The following ADAMTSL1 variants were observed in gnomAD, a reference collection of about 807,000 sequenced individuals.
ADAMTSL1 encodes ADAMTS-like protein 1.
ADAMTSL1 carries 126 observed loss-of-function variants against 201.8 expected under a neutral mutation model. That is an observed-to-expected ratio of 0.62 (90% confidence interval 0.54 to 0.72). The LOEUF (loss-of-function observed/expected upper bound fraction) is 0.72, where lower values mean the gene tolerates loss of function less well. Ranked by LOEUF, ADAMTSL1 falls within the 30% of genes least tolerant of loss-of-function variation. The pLI is 0.00. For missense variants in ADAMTSL1, 2,679 were observed against 2,277.8 expected (o/e 1.18, Z -3.59); for synonymous variants, 1,121 against 903.4 (o/e 1.24, Z -4.32).
At chr9:18,586,200 A>G (rs1823479902) in intron 4 of ADAMTSL1, among the ~76,000 whole-genome samples, 1 of 152,188 alleles carries the variant, frequency 6.6e-6, no homozygotes, top group Non-Finnish European at 1.5e-5. Flanking sequence ...ACATGGGCTC[A>G]ACCCAAAAGC....
At chr9:18,248,871 G>A (rs1008577596) in intron 2 of ADAMTSL1, among the ~76,000 whole-genome samples, 8 of 152,100 alleles carry the variant, frequency 5.3e-5, no homozygotes, top group African/African-American at 1.9e-4. Context: ...TTCTTACATA[G>A]TTGAATAAAT....
At chr9:18,366,647 T>A (rs1223135482) in intron 2 of ADAMTSL1, among the ~76,000 whole-genome samples, 2 of 125,870 alleles carry the variant, frequency 1.6e-5, no homozygotes, top group Non-Finnish European at 3.2e-5. Flanking sequence ...TTTTTTTTTT[T>A]TTTTTTTTTT....
At chr9:18,584,072 A>G (rs371303027) in intron 4 of ADAMTSL1, among the ~76,000 whole-genome samples, 1 of 152,168 alleles carries the variant, frequency 6.6e-6, no homozygotes, top group East Asian at 1.9e-4. Context: ...GTAATTTGCA[A>G]TATGAGAAGG....
intron 2 of ADAMTSL1, among the ~76,000 whole-genome samples, chr9:18,360,989 G>A (rs927878484): frequency 2.0e-5 from 3 of 152,074 alleles, no homozygotes; most frequent in African/African-American, 4.8e-5. Context: ...GGTAAGAAAT[G>A]TATCTCAGAA....
In ADAMTSL1 at chr9:18,889,574, G is replaced by C. The variant is rs1466637822; in HGVS notation, c.4469G>C (p.Trp1490Ser). The C allele has an allele frequency of 1.9e-6, 3 of 1,613,506 alleles. No homozygotes were observed. Among genetic ancestry groups the C allele is most frequent in the Admixed American group, 1.7e-5 (1 of 59,974 alleles). ...QKASLVIQDY[W>S]WSVDRLATCS... Reference sequence around the variant, plus strand: ...GCTCCTCCTCCCATGACAGATTACTGGTGGTCTGTGGACAGACTGGCAACC... The same window carrying C: ...GCTCCTCCTCCCATGACAGATTACTCGTGGTCTGTGGACAGACTGGCAACC... The change falls in exon 25 of 29, where the codon TGG (tryptophan) becomes TCG (serine). Residue 1490 changes from tryptophan (W) to serine (S), a missense_variant. Trp to Ser is a radical substitution (Grantham distance 177, BLOSUM62 -3). Coordinates refer to ENST00000380548, the MANE Select transcript of ADAMTSL1 (RefSeq NM_001040272.6).
At chr9:18,770,944 A>T (rs1300726198) in intron 17 of ADAMTSL1, among the ~76,000 whole-genome samples, 163 bp downstream of exon 17, 1 of 152,230 alleles carries the variant, frequency 6.6e-6, no homozygotes, top group Admixed American at 6.5e-5. Flanking sequence ...CTAGCTTTTA[A>T]CGAGGCTGCA....
At chr9:18,043,604 G>A (rs1821526047) in intron 1 of ADAMTSL1, among the ~76,000 whole-genome samples, 1 of 152,034 alleles carries the variant, frequency 6.6e-6, no homozygotes, top group Non-Finnish European at 1.5e-5. Flanking sequence ...GGAGACGGGT[G>A]TTCCCTGACT....
At chr9:18,274,046 T>G (rs1030068680) in intron 2 of ADAMTSL1, among the ~76,000 whole-genome samples, 1 of 152,206 alleles carries the variant, frequency 6.6e-6, no homozygotes, top group Non-Finnish European at 1.5e-5. Context: ...GTTTAGATAA[T>G]TTGGAGGGTG....
rs1834476928 is a variant in ADAMTSL1 at position 18,318,053 on chromosome 9, T to C, written c.207+154072T>C. Among the ~76,000 whole-genome samples the C allele has an allele frequency of 2.6e-5, 4 of 152,308 alleles. No individual in the cohort carries two copies. In the South Asian group the frequency reaches 8.3e-4, roughly 32 times the overall value. ...TGCTGAGCCTCTGTTTTCTTTTCTGTAAATTAGACACCTCTTGGGCTAGTT... is the reference window on the plus strand; with the variant it reads ...TGCTGAGCCTCTGTTTTCTTTTCTGCAAATTAGACACCTCTTGGGCTAGTT... On this transcript the variant is annotated intron_variant, in intron 2 of 29. Transcript: ENST00000680146.
At chr9:18,895,561 A>C (rs1258528514) in intron 26 of ADAMTSL1, among the ~76,000 whole-genome samples, 1 of 152,128 alleles carries the variant, frequency 6.6e-6, no homozygotes, top group Non-Finnish European at 1.5e-5. Flanking sequence ...CCTCTATGCA[A>C]CTGACGCTCT....
At position 18,299,011 on chromosome 9, in the gene ADAMTSL1, C is replaced by CAA. The variant is rs369246364; in HGVS notation, c.207+135041_207+135042dup. ...TGGGCGACAGAGCCAGACTCCGTCT[C>CAA]AAAAAAAAAAAATAATAATAATAAT... On this transcript the variant is annotated intron_variant, in intron 2 of 29. Coordinates refer to the ADAMTSL1 transcript ENST00000680146. Among the ~76,000 whole-genome samples the CAA allele has an allele frequency of 4.2e-3, 580 of 138,268 alleles. 1 individual carries two copies. The highest frequency in any genetic ancestry group is 9.2e-3 in the African/African-American group (345 of 37,326). The allele number at this position is 138,268 out of a possible 152,430, so 90.7% of individuals were successfully genotyped here. A position where few individuals can be genotyped will look rare whatever the true frequency, so the allele number is the denominator to read the frequency against.
chr9:18,585,272 A>G (rs1044339337), intron 4 of ADAMTSL1, among the ~76,000 whole-genome samples: 2 of 152,186 alleles, frequency 1.3e-5, no homozygotes, highest in Admixed American at 1.3e-4. Flanking sequence ...CTTTTTGGAA[A>G]GTTCTATCTG....
intron 2 of ADAMTSL1, among the ~76,000 whole-genome samples, chr9:18,281,539 C>T (rs909729356): frequency 5.9e-5 from 9 of 152,158 alleles, no homozygotes; most frequent in African/African-American, 1.9e-4. Context: ...TCACAAGGGC[C>T]CTTCGCGACT....
chr9:18,704,989 G>A (rs1332415501), intron 13 of ADAMTSL1, among the ~76,000 whole-genome samples: 1 of 152,228 alleles, frequency 6.6e-6, no homozygotes, highest in Non-Finnish European at 1.5e-5. Flanking sequence ...CTCTTGCCAT[G>A]CCTCAGAGCA....
chr9:18,509,038 G>A (rs9792510), intron 2 of ADAMTSL1, among the ~76,000 whole-genome samples: 1 of 129,622 alleles, frequency 7.7e-6, no homozygotes, highest in Non-Finnish European at 1.6e-5. Flanking sequence ...CAAAAAATTA[G>A]CCGGGCGCGG....
intron 2 of ADAMTSL1, among the ~76,000 whole-genome samples, chr9:18,290,781 G>GTTTTTTTTTTTTTTTTTTTT (rs71492936): frequency 7.4e-6 from 1 of 135,068 alleles, no homozygotes; most frequent in Admixed American, 7.0e-5. Context: ...TTTTTTGTGT[G>GTTTTTTTTTTTTTTTTTTTT]TTTTTTTTTT....
intron 2 of ADAMTSL1, among the ~76,000 whole-genome samples, chr9:18,242,181 C>T (rs1831093302): frequency 6.6e-6 from 1 of 152,124 alleles, no homozygotes; most frequent in South Asian, 2.1e-4. Context: ...TGGGATTCAT[C>T]CCTGACATGC....
intron 1 of ADAMTSL1, among the ~76,000 whole-genome samples, chr9:18,500,154 T>G (rs1046898126): frequency 2.0e-5 from 3 of 152,240 alleles, no homozygotes; most frequent in Non-Finnish European, 4.4e-5. Flanking sequence ...TTCATGTGAT[T>G]ACTCAAATTG....
At chr9:18,602,586 A>C (rs1055135374) in intron 4 of ADAMTSL1, among the ~76,000 whole-genome samples, 1 of 152,060 alleles carries the variant, frequency 6.6e-6, no homozygotes, top group South Asian at 2.1e-4. Flanking sequence ...GCCATTCTTT[A>C]ATTCAGAGCT....
Sources: gnomAD v4.1 joint callset for allele counts (sites outside exome capture counted in the v4.1 genomes callset) on GRCh38, gnomAD v4.1.1 for gene constraint, MANE v1.5 for transcripts, NCBI Gene and HGNC (gene_info 2026-07-23, HGNC 2026-07-21) for gene names.